Variants in PAX5 observed in about 807,000 individuals in gnomAD.
PAX5 encodes the protein paired box 5, also known as paired box protein Pax-5.
In PAX5, 9 loss-of-function variants were observed where a neutral mutation model predicts 43.7. That is an observed-to-expected ratio of 0.21 (90% CI 0.12 to 0.36). The LOEUF (loss-of-function observed/expected upper bound fraction) is 0.36, where lower values mean the gene tolerates loss of function less well. Among genes scored for constraint, PAX5 ranks in the 10% least tolerant of loss-of-function variants. PAX5 has a pLI of 1.00. For synonymous variants in PAX5, 228 were observed against 214.3 expected, an observed-to-expected ratio of 1.06 and a Z score of -0.56; for missense variants, 383 against 532.7, an observed-to-expected ratio of 0.72 and a Z score of 2.77.
At chr9:36,840,889 C>T (rs1402404482) in intron 9 of PAX5, among the ~76,000 whole-genome samples, 3 of 152,144 alleles carry the variant, frequency 2.0e-5, no homozygotes, top group Admixed American at 1.3e-4. Context: ...TCCCAGCTGC[C>T]CGTTTTAGTG....
intron 7 of PAX5, among the ~76,000 whole-genome samples, chr9:36,883,942 A>C (rs905863126): frequency 2.0e-5 from 3 of 152,208 alleles, no homozygotes; most frequent in African/African-American, 7.2e-5. Context: ...GTAATTCAAG[A>C]AGAGTCAGAG....
At chr9:37,030,466 G>A (rs1840871211) in intron 1 of PAX5, among the ~76,000 whole-genome samples, 1 of 152,208 alleles carries the variant, frequency 6.6e-6, no homozygotes, top group African/African-American at 2.4e-5. Flanking sequence ...CTGGGTCCAG[G>A]AGAGCGAGAC....
chr9:36,910,743 T>G (rs1410026504), intron 7 of PAX5, among the ~76,000 whole-genome samples: 1 of 152,152 alleles, frequency 6.6e-6, no homozygotes, highest in Admixed American at 6.6e-5. Flanking sequence ...TTTGAGGTAG[T>G]GAAATCCCCA....
chr9:36,893,779 C>G (rs1010285772), intron 7 of PAX5, among the ~76,000 whole-genome samples: 1 of 152,340 alleles, frequency 6.6e-6, no homozygotes, highest in South Asian at 2.1e-4. Flanking sequence ...CACTTACAGA[C>G]GTGCAGAGCC....
chr9:36,896,776 A>G (rs1018696678), intron 7 of PAX5, among the ~76,000 whole-genome samples: 7 of 152,258 alleles, frequency 4.6e-5, no homozygotes, highest in East Asian at 1.9e-4. Flanking sequence ...CAGAGCCCCA[A>G]ATGGGATCAC....
chr9:36,873,511 C>T (rs1434917729), intron 8 of PAX5, among the ~76,000 whole-genome samples: 1 of 152,240 alleles, frequency 6.6e-6, no homozygotes, highest in Non-Finnish European at 1.5e-5. Context: ...GTGTGCACCC[C>T]AGAGGCCAGG....
At chr9:36,938,345 G>T (rs985668562) in intron 6 of PAX5, among the ~76,000 whole-genome samples, 1 of 152,096 alleles carries the variant, frequency 6.6e-6, no homozygotes, top group African/African-American at 2.4e-5. Flanking sequence ...ACAAACACAC[G>T]TCTAAAGGCT....
intron 6 of PAX5, among the ~76,000 whole-genome samples, chr9:36,958,585 A>G (rs3780164): frequency 0.58 from 88,333 of 151,818 alleles, 28,111 homozygotes; most frequent in East Asian, 0.78. Context: ...CCAGGCAGCC[A>G]TCTTCAGGGG....
intron 8 of PAX5, among the ~76,000 whole-genome samples, chr9:36,854,472 A>G (rs1313623304): frequency 2.0e-5 from 3 of 152,242 alleles, no homozygotes; most frequent in African/African-American, 7.2e-5. Flanking sequence ...GCTGTGTCAA[A>G]GCCTCTTAGA....
At chr9:36,965,699 G>C (rs1437106882) in intron 6 of PAX5, among the ~76,000 whole-genome samples, 1 of 152,228 alleles carries the variant, frequency 6.6e-6, no homozygotes, top group Non-Finnish European at 1.5e-5. Flanking sequence ...CGAGGAAAGT[G>C]CCGAGGAAAG....
intron 1 of PAX5, among the ~76,000 whole-genome samples, chr9:37,023,660 A>G (rs1840043185): frequency 6.6e-6 from 1 of 152,084 alleles, no homozygotes; most frequent in South Asian, 2.1e-4. Flanking sequence ...CATGCTACCC[A>G]CCACAGGCCC....
intron 6 of PAX5, among the ~76,000 whole-genome samples, chr9:36,934,488 G>T (rs909536096): frequency 1.3e-5 from 2 of 152,156 alleles, no homozygotes; most frequent in Non-Finnish European, 2.9e-5. Flanking sequence ...AGGGAAACTC[G>T]GTAAAGGGTG....
intron 1 of PAX5, 122 bp from the exon 2 acceptor site, chr9:37,020,923 C>T (rs1412023288): frequency 3.3e-5 from 33 of 998,900 alleles, no homozygotes; most frequent in Non-Finnish European, 4.6e-5. Context: ...CTGGATGTCT[C>T]GCGCCTGGAG....
Position 37,020,703 on chromosome 9 carries a change from C to T in PAX5, c.145G>A (p.Val49Ile). The T allele has an allele frequency of 6.2e-7, 1 of 1,614,234 alleles. No individual in the cohort carries two copies. The highest frequency in any genetic ancestry group is 8.5e-7 in the Non-Finnish European group (1 of 1,180,042). Residue 49 changes from valine (V) to isoleucine (I), a missense_variant, in exon 2 of 10, where the codon GTC (valine) becomes ATC (isoleucine). This residue lies in a region of PAX5 where 54 missense variants were observed against 68.6 expected (regional missense o/e 0.79). Coordinates refer to ENST00000358127, the MANE Select transcript of PAX5 (RefSeq NM_016734.3). Reference protein sequence around the residue: ...QRIVELAHQGVRPCDISRQLR... With the variant: ...QRIVELAHQGIRPCDISRQLR... ...TGCCTGGAGATGTCGCAGGGCCTGA[C>T]ACCTTGATGAGCAAGTTCCACTATC...
At chr9:37,019,362 A>T (rs1196019720) in intron 2 of PAX5, among the ~76,000 whole-genome samples, 1 of 152,112 alleles carries the variant, frequency 6.6e-6, no homozygotes, top group South Asian at 2.1e-4. Context: ...GCTGAGTGCT[A>T]AACAGGAGTG....
intron 5 of PAX5, among the ~76,000 whole-genome samples, chr9:37,001,635 A>C (rs1028631172): frequency 6.6e-6 from 1 of 152,198 alleles, no homozygotes; most frequent in Non-Finnish European, 1.5e-5. Context: ...ACCACAGGCC[A>C]ATCCACGGCT....
At chr9:36,968,568 A>G (rs557490429) in intron 5 of PAX5, among the ~76,000 whole-genome samples, 2 of 151,976 alleles carry the variant, frequency 1.3e-5, no homozygotes, top group South Asian at 4.2e-4. Flanking sequence ...TTGACCCAAG[A>G]GGATACTGTA....
At chr9:36,991,235 T>C (rs940890086) in intron 5 of PAX5, among the ~76,000 whole-genome samples, 32 of 152,280 alleles carry the variant, frequency 2.1e-4, no homozygotes, top group African/African-American at 7.5e-4. Flanking sequence ...AAGAGAAAGA[T>C]GTGACTATAA....
At chr9:37,032,121 T>A (rs370913114) in intron 1 of PAX5, among the ~76,000 whole-genome samples, 2 of 152,228 alleles carry the variant, frequency 1.3e-5, no homozygotes, top group African/African-American at 4.8e-5. Flanking sequence ...GCTCTCTAGA[T>A]TTTAAGGCTT....
Sources: gnomAD v4.1 joint callset for allele counts (sites outside exome capture counted in the v4.1 genomes callset) on GRCh38, gnomAD v4.1.1 for gene constraint, gnomAD v4.1.1 regional missense constraint, MANE v1.5 for transcripts, NCBI Gene and HGNC (gene_info 2026-07-23, HGNC 2026-07-21) for gene names.